PABPC4L: variants seen among roughly 807,000 people sequenced by gnomAD.
PABPC4L encodes the protein polyadenylate-binding protein 4-like.
For synonymous variants in PABPC4L, 169 were observed against 164.1 expected (o/e 1.03, Z -0.23); for missense variants, 452 against 451.4 (o/e 1.00, Z -0.01).
the PABPC4L span, among the ~76,000 whole-genome samples, chr4:133,968,062 C>A: frequency 1.3e-5 from 2 of 152,112 alleles, no homozygotes; most frequent in Non-Finnish European, 1.5e-5. Flanking sequence ...TGACATCCTA[C>A]TAGTGAAACA....
chr4:134,056,841 T>G, the PABPC4L span, among the ~76,000 whole-genome samples: 4 of 152,148 alleles, frequency 2.6e-5, no homozygotes, highest in African/African-American at 9.6e-5. Flanking sequence ...AGGACAGTTT[T>G]GTTTCTTCTT....
chr4:134,127,177 C>T, the PABPC4L span, among the ~76,000 whole-genome samples: 4 of 152,004 alleles, frequency 2.6e-5, no homozygotes, highest in South Asian at 2.1e-4. Context: ...CTGCCCCCAC[C>T]TGAGGGTCTT....
chr4:134,160,719 A>G, the PABPC4L span, among the ~76,000 whole-genome samples: 1 of 151,946 alleles, frequency 6.6e-6, no homozygotes, highest in African/African-American at 2.4e-5. Context: ...CTCTCAAAAT[A>G]TTAGCCAGGT....
the PABPC4L span, among the ~76,000 whole-genome samples, chr4:134,179,511 T>C: frequency 2.0e-5 from 3 of 152,096 alleles, no homozygotes; most frequent in Non-Finnish European, 2.9e-5. Context: ...AACAACATGA[T>C]GACAGAATCA....
the PABPC4L span, among the ~76,000 whole-genome samples, chr4:134,095,565 T>A: frequency 6.6e-6 from 1 of 151,986 alleles, no homozygotes; most frequent in Non-Finnish European, 1.5e-5. Context: ...ACATATTGCA[T>A]CCTTGGCCTA....
chr4:134,180,476 A>G, the PABPC4L span, among the ~76,000 whole-genome samples: 1 of 151,978 alleles, frequency 6.6e-6, no homozygotes, highest in Admixed American at 6.6e-5. Context: ...TCACAATTAG[A>G]GAAACAAGAG....
the PABPC4L span, among the ~76,000 whole-genome samples, chr4:134,101,337 T>C: frequency 2.0e-5 from 3 of 151,526 alleles, no homozygotes; most frequent in Non-Finnish European, 3.0e-5. Flanking sequence ...TCAGATTTGA[T>C]CTTACTAATA....
the PABPC4L span, among the ~76,000 whole-genome samples, chr4:134,049,137 C>T: frequency 6.6e-6 from 1 of 152,082 alleles, no homozygotes; most frequent in South Asian, 2.1e-4. Context: ...CCCATTTTGA[C>T]AAGATACTTA....
chr4:134,190,186 G>A, the PABPC4L span, among the ~76,000 whole-genome samples: 18 of 152,226 alleles, frequency 1.2e-4, no homozygotes, highest in African/African-American at 4.1e-4. Flanking sequence ...CCTCTGTTCT[G>A]CTAAACTGTG....
the PABPC4L span, among the ~76,000 whole-genome samples, chr4:134,016,125 C>T: frequency 6.6e-6 from 1 of 152,110 alleles, no homozygotes; most frequent in African/African-American, 2.4e-5. Context: ...TTCCACCAGG[C>T]CTAATCGCCA....
At chr4:134,028,916 T>A in the PABPC4L span, among the ~76,000 whole-genome samples, 1 of 152,112 alleles carries the variant, frequency 6.6e-6, no homozygotes, top group Non-Finnish European at 1.5e-5. Flanking sequence ...TCATACTTTT[T>A]CCAAAACCAG....
At chr4:134,007,922 T>C in the PABPC4L span, among the ~76,000 whole-genome samples, 5 of 151,882 alleles carry the variant, frequency 3.3e-5, no homozygotes, top group African/African-American at 7.2e-5. Flanking sequence ...ATGTCATATT[T>C]TAAAAGAGAA....
chr4:134,028,473 CA>C, the PABPC4L span, among the ~76,000 whole-genome samples: 1 of 151,294 alleles, frequency 6.6e-6, no homozygotes, highest in Non-Finnish European at 1.5e-5. Context: ...CAGCTTTTCC[CA>C]GTAACCTATA....
the PABPC4L span, among the ~76,000 whole-genome samples, chr4:133,986,674 G>A: frequency 1.6e-4 from 24 of 151,534 alleles, no homozygotes; most frequent in Admixed American, 3.3e-4. Context: ...TAAACATCTC[G>A]GGACTGCCTA....
chr4:133,983,610 C>A, the PABPC4L span, among the ~76,000 whole-genome samples: 2 of 151,678 alleles, frequency 1.3e-5, no homozygotes, highest in Non-Finnish European at 3.0e-5. Context: ...ATGCCACAGC[C>A]TTACCAGAAA....
the PABPC4L span, among the ~76,000 whole-genome samples, chr4:133,970,936 C>G: frequency 6.6e-6 from 1 of 152,026 alleles, no homozygotes. Flanking sequence ...ACATAAATTT[C>G]TGTTGTTTAT....
chr4:134,043,488 T>C, the PABPC4L span, among the ~76,000 whole-genome samples: 1 of 152,140 alleles, frequency 6.6e-6, no homozygotes, highest in Non-Finnish European at 1.5e-5. Context: ...CAAAAGTAAT[T>C]GCGGTTTTTG....
chr4:133,971,352 C>A, the PABPC4L span, among the ~76,000 whole-genome samples: 3 of 151,858 alleles, frequency 2.0e-5, no homozygotes, highest in Admixed American at 6.6e-5. Flanking sequence ...ACTTCGTGAT[C>A]CGCCCGCCTC....
chr4:134,078,740 C>T, the PABPC4L span, among the ~76,000 whole-genome samples: 4 of 151,362 alleles, frequency 2.6e-5, no homozygotes, highest in African/African-American at 9.7e-5. Context: ...CAACCTCCAC[C>T]TCCCCGTGTT....
Sources: allele counts gnomAD v4.1 joint callset (sites outside exome capture counted in the v4.1 genomes callset), GRCh38; gene constraint gnomAD v4.1.1; transcripts MANE v1.5; gene names NCBI Gene and HGNC (gene_info 2026-07-23, HGNC 2026-07-21).